SOX5: variants seen among roughly 807,000 people sequenced by gnomAD.
The protein encoded by SOX5 is transcription factor SOX-5.
SOX5 carries 9 observed loss-of-function variants against 92.0 expected under a neutral mutation model. The ratio of observed to expected loss-of-function variants is 0.10; its 90% CI spans 0.06 to 0.17. The LOEUF (loss-of-function observed/expected upper bound fraction) is 0.17, where lower values mean the gene tolerates loss of function less well. Ranked by LOEUF, SOX5 falls within the 10% of genes least tolerant of loss-of-function variation. The pLI is 1.00. For synonymous variants in SOX5, 344 were observed against 336.3 expected (o/e 1.02, Z -0.25); for missense variants, 642 against 944.5 (o/e 0.68, Z 4.20).
chr12:24,147,408 G>A (rs1951194669), intron 4 of SOX5, among the ~76,000 whole-genome samples: 1 of 152,046 alleles, frequency 6.6e-6, no homozygotes, highest in Admixed American at 6.6e-5. Context: ...CAGTGTACTA[G>A]GTATAGGAAG....
chr12:23,922,996 A>G (rs1466683409), intron 1 of SOX5, among the ~76,000 whole-genome samples: 1 of 149,952 alleles, frequency 6.7e-6, no homozygotes, highest in Non-Finnish European at 1.5e-5. Flanking sequence ...CCCAGGCTGG[A>G]GTGCAGTGGC....
At chr12:24,389,709 CAT>C (rs765186597) in intron 1 of SOX5, among the ~76,000 whole-genome samples, 6 of 152,156 alleles carry the variant, frequency 3.9e-5, no homozygotes, top group South Asian at 2.1e-4. Flanking sequence ...TGTGTGAACA[CAT>C]GTTTTCATTT....
chr12:23,540,946 C>T (rs573784303), intron 13 of SOX5, among the ~76,000 whole-genome samples: 76 of 152,234 alleles, frequency 5.0e-4, no homozygotes, highest in African/African-American at 1.7e-3. Context: ...TTAGAATGAT[C>T]TTGTGGATAT....
chr12:23,566,248 G>A (rs1354171673), intron 10 of SOX5, among the ~76,000 whole-genome samples: 2 of 151,848 alleles, frequency 1.3e-5, no homozygotes, highest in African/African-American at 4.8e-5. Flanking sequence ...ACCTTGTTTT[G>A]CCCTCTCTTT....
chr12:24,263,551 A>AAAAAAAAAAAAAG (rs1942558569), intron 3 of SOX5, among the ~76,000 whole-genome samples: 1 of 145,618 alleles, frequency 6.9e-6, no homozygotes, highest in East Asian at 2.0e-4. Context: ...CAAAAAAAAA[A>AAAAAAAAAAAAAG]ACAAAAACAA....
chr12:24,399,065 A>G (rs1185087853), intron 1 of SOX5, among the ~76,000 whole-genome samples: 1 of 152,174 alleles, frequency 6.6e-6, no homozygotes, highest in East Asian at 1.9e-4. Context: ...GACCCCCACC[A>G]AAAACGGCCA....
chr12:23,595,644 A>AG (rs1952290262), intron 9 of SOX5, among the ~76,000 whole-genome samples: 1 of 151,272 alleles, frequency 6.6e-6, no homozygotes, highest in Non-Finnish European at 1.5e-5. Flanking sequence ...AAAAAAAAAA[A>AG]AATGTGACCG....
At chr12:23,676,866 AT>A (rs1763285250) in intron 6 of SOX5, among the ~76,000 whole-genome samples, 1 of 152,128 alleles carries the variant, frequency 6.6e-6, no homozygotes, top group Admixed American at 6.5e-5. Flanking sequence ...GGTTGACATT[AT>A]TTGTGTCTGT....
At chr12:23,942,673 TGGCTCTA>T (rs2040368507) in intron 1 of SOX5, among the ~76,000 whole-genome samples, 1 of 99,446 alleles carries the variant, frequency 1.0e-5, no homozygotes, top group African/African-American at 3.8e-5. Flanking sequence ...TTTTTTTTTT[TGGCTCTA>T]TGCAGTGAAT....
chr12:23,772,806 G>T (rs2094976281), intron 3 of SOX5, among the ~76,000 whole-genome samples: 1 of 152,046 alleles, frequency 6.6e-6, no homozygotes, highest in Non-Finnish European at 1.5e-5. Flanking sequence ...TACTAAATAC[G>T]TTTAGGTGTT....
intron 4 of SOX5, among the ~76,000 whole-genome samples, chr12:24,043,969 A>G (rs1956766310): frequency 6.6e-6 from 1 of 152,194 alleles, no homozygotes. Context: ...TGGGGTAAGG[A>G]TTATATTGAA....
At chr12:23,783,827 A>C (rs772933673) in intron 3 of SOX5, among the ~76,000 whole-genome samples, 1 of 152,202 alleles carries the variant, frequency 6.6e-6, no homozygotes, top group Non-Finnish European at 1.5e-5. Flanking sequence ...TTTCCTCCAC[A>C]TGCAACAAAT....
chr12:23,988,329 G>T lies in SOX5; in HGVS notation c.-1-92305C>A, dbSNP rs545405773. Among the ~76,000 whole-genome samples, 8 of 152,228 alleles carry T rather than the reference G, an allele frequency of 5.3e-5. No homozygotes were observed. In the East Asian group the frequency reaches 1.5e-3, roughly 29 times the overall value. The stretch of plus-strand genomic sequence containing the variant: ...GTAGAGAAGAGAGCCTGAAACATAG[G>T]CAAGGAGATCCCAACCTTTAGAGTG... On this transcript the variant is annotated intron_variant, in intron 4 of 4. Coordinates refer to the SOX5 transcript ENST00000446891.
intron 4 of SOX5, among the ~76,000 whole-genome samples, chr12:24,157,232 G>C (rs1402890580): frequency 6.6e-6 from 1 of 151,902 alleles, no homozygotes; most frequent in Non-Finnish European, 1.5e-5. Context: ...ATAAATATTT[G>C]ATTAAGTAAA....
chr12:23,749,561 A>T (rs1244039339), intron 4 of SOX5, among the ~76,000 whole-genome samples: 1 of 151,886 alleles, frequency 6.6e-6, no homozygotes, highest in Non-Finnish European at 1.5e-5. Flanking sequence ...GCCCCACGGT[A>T]GATGTTTTGT....
At chr12:23,950,977 GCACA>G (rs35800209), upstream of SOX5, 85,100 of 583,906 alleles carry the variant, frequency 0.15, 975 homozygotes, top group Middle Eastern at 0.17. Context: ...ACACACGCAT[GCACA>G]CACACACACA....
chr12:23,709,743 T>A (rs1392157087), intron 6 of SOX5, among the ~76,000 whole-genome samples: 1 of 152,206 alleles, frequency 6.6e-6, no homozygotes, highest in Non-Finnish European at 1.5e-5. Context: ...TCTGTTCATG[T>A]CTGTTTGACT....
chr12:23,653,025 CA>C (rs1566730092), intron 7 of SOX5, among the ~76,000 whole-genome samples: 1,243 of 91,202 alleles, frequency 0.014, 17 homozygotes, highest in African/African-American at 0.051. Context: ...GATGAATGTA[CA>C]GATAGATGGA....
chr12:24,177,203 C>T (rs1954919615), intron 4 of SOX5, among the ~76,000 whole-genome samples: 3 of 152,084 alleles, frequency 2.0e-5, no homozygotes, highest in African/African-American at 7.2e-5. Context: ...GCTATTACTA[C>T]CTGCATTTTT....
Sources: allele counts gnomAD v4.1 joint callset (sites outside exome capture counted in the v4.1 genomes callset), GRCh38; gene constraint gnomAD v4.1.1; transcripts MANE v1.5; gene names NCBI Gene and HGNC (gene_info 2026-07-23, HGNC 2026-07-21).